CCDC171: variants seen among roughly 807,000 people sequenced by gnomAD.
CCDC171 encodes coiled-coil domain-containing protein 171.
A neutral mutation model predicts 168.2 loss-of-function variants in CCDC171; 177 were observed. That is an observed-to-expected ratio of 1.05 (90% CI 0.93 to 1.19). CCDC171 has a LOEUF of 1.19. Among genes scored for constraint, CCDC171 ranks in the 50% most tolerant of loss-of-function variants. The pLI is 0.00. For missense variants in CCDC171, 1,991 were observed against 1,539.0 expected (o/e 1.29, Z -4.91); for synonymous variants, 687 against 540.8 (o/e 1.27, Z -3.75).
intron 11 of CCDC171, among the ~76,000 whole-genome samples, chr9:15,707,530 GTCT>G (rs888306306): frequency 1.3e-5 from 2 of 152,074 alleles, no homozygotes; most frequent in African/African-American, 4.8e-5. Flanking sequence ...ATCTTTTGTA[GTCT>G]TCTTGTTCTC....
chr9:16,038,713 T>TA (rs369844163), upstream of CCDC171, among the ~76,000 whole-genome samples: 117 of 151,710 alleles, frequency 7.7e-4, no homozygotes, highest in African/African-American at 2.6e-3. Context: ...AAATAAACCC[T>TA]AAAAAATGTT....
chr9:15,775,475 C>T (rs1303636837), intron 18 of CCDC171, among the ~76,000 whole-genome samples: 14 of 152,084 alleles, frequency 9.2e-5, no homozygotes, highest in African/African-American at 1.7e-4. Flanking sequence ...CGTGCCACCA[C>T]GCCCGGCTAA....
At chr9:15,787,408 C>G (rs548153164) in intron 21 of CCDC171, among the ~76,000 whole-genome samples, 2 of 152,288 alleles carry the variant, frequency 1.3e-5, no homozygotes, top group East Asian at 3.9e-4. Context: ...CTTCAATGTA[C>G]TGTACATAAT....
chr9:15,841,446 A>T (rs1174280293), intron 21 of CCDC171, among the ~76,000 whole-genome samples: 1 of 151,980 alleles, frequency 6.6e-6, no homozygotes, highest in Non-Finnish European at 1.5e-5. Context: ...CTGTTGCCTT[A>T]CTAGACATGT....
intron 9 of CCDC171, among the ~76,000 whole-genome samples, chr9:15,677,601 A>T (rs2049677660): frequency 1.3e-5 from 2 of 151,892 alleles, no homozygotes; most frequent in Non-Finnish European, 2.9e-5. Flanking sequence ...AATTAAAATT[A>T]TTCCTTTGGT....
chr9:15,576,767 A>G (rs1247001837), intron 3 of CCDC171, among the ~76,000 whole-genome samples: 1 of 152,192 alleles, frequency 6.6e-6, no homozygotes, highest in Non-Finnish European at 1.5e-5. Context: ...GATTAGCAAG[A>G]GCTTTCAGTT....
chr9:15,791,905 A>C (rs572233598), intron 21 of CCDC171, among the ~76,000 whole-genome samples: 2 of 152,306 alleles, frequency 1.3e-5, no homozygotes, highest in African/African-American at 4.8e-5. Context: ...AAAATTCTAA[A>C]AATCAGAGCA....
chr9:15,719,964 C>T (rs1012709540), intron 11 of CCDC171, among the ~76,000 whole-genome samples: 2 of 126,232 alleles, frequency 1.6e-5, no homozygotes, highest in Non-Finnish European at 3.5e-5. Flanking sequence ...CTTTCCAACT[C>T]ATAGTCATTA....
chr9:15,747,248 T>G (rs2055361369), intron 18 of CCDC171, among the ~76,000 whole-genome samples: 1 of 152,214 alleles, frequency 6.6e-6, no homozygotes, highest in African/African-American at 2.4e-5. Flanking sequence ...GCAGCCTCAT[T>G]CAGGGACTTA....
intron 20 of CCDC171, among the ~76,000 whole-genome samples, chr9:15,783,008 A>G (rs1017928810): frequency 2.6e-5 from 4 of 152,188 alleles, no homozygotes; most frequent in African/African-American, 9.6e-5. Context: ...TTTTTATGCT[A>G]CACTATTGGC....
chr9:15,951,427 C>T (rs945831589), intron 25 of CCDC171, among the ~76,000 whole-genome samples: 5 of 152,124 alleles, frequency 3.3e-5, no homozygotes, highest in Non-Finnish European at 1.5e-5. Context: ...CACTGTTGTA[C>T]TATTTTACAT....
At chr9:15,933,422 G>A (rs1053214703) in intron 25 of CCDC171, among the ~76,000 whole-genome samples, 1 of 151,498 alleles carries the variant, frequency 6.6e-6, no homozygotes, top group Non-Finnish European at 1.5e-5. Context: ...TCTTGCTAAA[G>A]GTTTGTCAAT....
intron 1 of CCDC171, among the ~76,000 whole-genome samples, chr9:16,045,189 C>T (rs1025367260): frequency 3.3e-5 from 5 of 152,148 alleles, no homozygotes; most frequent in African/African-American, 1.2e-4. Flanking sequence ...CACCCTGAGA[C>T]AATGATTTGA....
At chr9:15,966,572 G>C (rs555866902) in intron 25 of CCDC171, among the ~76,000 whole-genome samples, 51 of 152,258 alleles carry the variant, frequency 3.3e-4, no homozygotes, top group Middle Eastern at 3.4e-3. Context: ...ATGTGATTCA[G>C]GTTTCTTGTT....
chr9:15,869,127 G>A (rs779647914), intron 23 of CCDC171, among the ~76,000 whole-genome samples: 19 of 151,946 alleles, frequency 1.3e-4, no homozygotes, highest in Non-Finnish European at 2.4e-4. Flanking sequence ...TCAGTTCATG[G>A]TTGAATCCAT....
intron 24 of CCDC171, among the ~76,000 whole-genome samples, chr9:15,890,531 G>GT (rs58256366): frequency 0.035 from 5,044 of 144,476 alleles, 273 homozygotes; most frequent in African/African-American, 0.11. Flanking sequence ...GATTGGTAAG[G>GT]TTTTTTTTTT....
chr9:16,088,924 C>T, the CCDC171 span, among the ~76,000 whole-genome samples: 3 of 152,014 alleles, frequency 2.0e-5, no homozygotes, highest in Non-Finnish European at 4.4e-5. Context: ...GCAAAAAGAA[C>T]GAAGCTGGAG....
At chr9:15,991,706 A>C (rs1273637275) in intron 3 of CCDC171, among the ~76,000 whole-genome samples, 1 of 152,194 alleles carries the variant, frequency 6.6e-6, no homozygotes, top group Admixed American at 6.5e-5. Context: ...AATAAAAGAG[A>C]GAAGAATCAA....
chr9:15,563,615 A>G (rs2039490763), intron 1 of CCDC171, among the ~76,000 whole-genome samples: 1 of 152,018 alleles, frequency 6.6e-6, no homozygotes. Context: ...ACTATTTCCA[A>G]CCTAGTCTTT....
Sources: allele counts gnomAD v4.1 joint callset (sites outside exome capture counted in the v4.1 genomes callset), GRCh38; gene constraint gnomAD v4.1.1; transcripts MANE v1.5; gene names NCBI Gene and HGNC (gene_info 2026-07-23, HGNC 2026-07-21).